SEMA6D: variants seen among roughly 807,000 people sequenced by gnomAD.
SEMA6D encodes the protein semaphorin 6D, also known as semaphorin-6D.
A neutral mutation model predicts 106.6 loss-of-function variants in SEMA6D; 35 were observed. That is an observed-to-expected ratio of 0.33 (90% CI 0.25 to 0.44). The LOEUF (loss-of-function observed/expected upper bound fraction) is 0.44. Ranked by LOEUF, SEMA6D falls within the 20% of genes least tolerant of loss-of-function variation. The probability of loss-of-function intolerance (pLI) is 1.00; values close to 1 mark genes in which losing one functional copy is unlikely to be tolerated. For missense variants in SEMA6D, 1,185 were observed against 1,345.9 expected, an observed-to-expected ratio of 0.88 and a Z score of 1.87; for synonymous variants, 499 against 487.7, an observed-to-expected ratio of 1.02 and a Z score of -0.31.
At chr15:47,305,712 A>C (rs2036205294) in intron 1 of SEMA6D, among the ~76,000 whole-genome samples, 1 of 152,190 alleles carries the variant, frequency 6.6e-6, no homozygotes, top group Admixed American at 6.5e-5. Flanking sequence ...TACAGTGAAA[A>C]ATCATTGCAT....
chr15:47,427,645 T>G (rs2041384071), intron 2 of SEMA6D, among the ~76,000 whole-genome samples: 1 of 152,166 alleles, frequency 6.6e-6, no homozygotes, highest in Non-Finnish European at 1.5e-5. Flanking sequence ...GGGATACCAT[T>G]TAAACTTGCT....
intron 1 of SEMA6D, among the ~76,000 whole-genome samples, chr15:47,746,910 C>T (rs2081161108): frequency 6.6e-6 from 1 of 151,248 alleles, no homozygotes; most frequent in East Asian, 1.9e-4. Flanking sequence ...CCTTGAAAAC[C>T]CTTCGGTTCC....
At chr15:47,228,163 C>CACATACACACATAT (rs374770930) in intron 1 of SEMA6D, among the ~76,000 whole-genome samples, 1 of 136,810 alleles carries the variant, frequency 7.3e-6, no homozygotes, top group Non-Finnish European at 1.5e-5. Context: ...CACACACACA[C>CACATACACACATAT]ATATATATAT....
intron 3 of SEMA6D, among the ~76,000 whole-genome samples, chr15:47,547,039 A>T (rs1266661298): frequency 1.3e-5 from 2 of 152,020 alleles, no homozygotes; most frequent in Non-Finnish European, 2.9e-5. Context: ...AAATACACAC[A>T]AACACACAGA....
chr15:47,271,104 C>A (rs900343993), intron 1 of SEMA6D, among the ~76,000 whole-genome samples: 1 of 152,118 alleles, frequency 6.6e-6, no homozygotes, highest in Non-Finnish European at 1.5e-5. Flanking sequence ...AATACACAAA[C>A]CGGAATTGTA....
rs1567016520 is a variant in SEMA6D, at chr15:47,348,710, CACACACACCACACACACAGAG to C, written c.-238-63681_-238-63661del. ...ACACACACACACACACACACACACA[CACACACACCACACACACAGAG>C]AGAGAGAGAGAGAGAGAGAGAGAGA... On this transcript the variant is annotated intron_variant, in intron 1 of 19. Coordinates refer to the SEMA6D transcript ENST00000558014. Among the ~76,000 whole-genome samples the C allele has an allele frequency of 4.4e-4, 42 of 94,926 alleles. 2 individuals are homozygous for C. In the South Asian group the frequency reaches 0.013, roughly 29 times the overall value. The allele number at this position is 94,926 out of a possible 152,430, so 62.3% of individuals were successfully genotyped here. A position where few individuals can be genotyped will look rare whatever the true frequency, so the allele number is the denominator to read the frequency against.
intron 4 of SEMA6D, among the ~76,000 whole-genome samples, chr15:47,684,935 A>G (rs528646936): frequency 2.6e-4 from 40 of 152,310 alleles, no homozygotes; most frequent in African/African-American, 9.6e-4. Flanking sequence ...GGGGAAACTT[A>G]CCGTGGAAAC....
intron 1 of SEMA6D, among the ~76,000 whole-genome samples, chr15:47,732,556 G>C (rs1039379873): frequency 6.6e-6 from 1 of 152,208 alleles, no homozygotes; most frequent in Non-Finnish European, 1.5e-5. Flanking sequence ...ACCCAAATGG[G>C]AGAGATTGGC....
intron 3 of SEMA6D, among the ~76,000 whole-genome samples, chr15:47,479,272 C>T (rs891798858): frequency 2.0e-5 from 3 of 152,110 alleles, no homozygotes; most frequent in Non-Finnish European, 4.4e-5. Context: ...CTGCCTTGCT[C>T]GGTTTGAAGC....
chr15:47,751,669 G>A (rs1490123776), intron 1 of SEMA6D, among the ~76,000 whole-genome samples: 1 of 152,152 alleles, frequency 6.6e-6, no homozygotes, highest in Non-Finnish European at 1.5e-5. Context: ...TGTTTGTTTA[G>A]TGGTACTAAA....
chr15:47,722,967 A>T (rs1286729985), intron 1 of SEMA6D, among the ~76,000 whole-genome samples: 1 of 152,142 alleles, frequency 6.6e-6, no homozygotes, highest in African/African-American at 2.4e-5. Context: ...GAGGTTACAT[A>T]ATGGAAAGGT....
At chr15:47,289,373 G>A in intron 1 of SEMA6D, among the ~76,000 whole-genome samples, 1 of 112,068 alleles carries the variant, frequency 8.9e-6, no homozygotes, top group African/African-American at 3.5e-5. Context: ...CAGCCTGGGT[G>A]ACAGAGCAAA....
chr15:47,458,873 A>C (rs2042419447), intron 2 of SEMA6D, among the ~76,000 whole-genome samples: 1 of 151,996 alleles, frequency 6.6e-6, no homozygotes, highest in African/African-American at 2.4e-5. Flanking sequence ...AACCAAAAAT[A>C]AATAAATAAA....
chr15:47,396,058 C>A (rs1209575007), intron 1 of SEMA6D, among the ~76,000 whole-genome samples: 2 of 152,072 alleles, frequency 1.3e-5, no homozygotes, highest in East Asian at 3.9e-4. Flanking sequence ...AACACCAGAG[C>A]TTTTTTTGTC....
intron 4 of SEMA6D, among the ~76,000 whole-genome samples, chr15:47,700,908 A>C (rs1484322514): frequency 1.3e-5 from 2 of 152,158 alleles, no homozygotes; most frequent in Non-Finnish European, 2.9e-5. Flanking sequence ...CTGGATACAC[A>C]CTTGGAAAAA....
chr15:47,384,589 T>C lies in SEMA6D; in HGVS notation c.-238-27804T>C, dbSNP rs189612748. Among the ~76,000 whole-genome samples the C allele has an allele frequency of 3.1e-4, 47 of 152,284 alleles. No individual in the cohort carries two copies. In the East Asian group the frequency reaches 6.0e-3, roughly 19 times the overall value. ...TGCAAAGGACTAATCAGCTACCAAC[T>C]GTGGCATATGAGGATGTCTGAGTGG... On this transcript the variant is annotated intron_variant, in intron 1 of 19. Transcript: ENST00000558014.
At chr15:47,378,502 A>G (rs2039526332) in intron 1 of SEMA6D, among the ~76,000 whole-genome samples, 1 of 152,212 alleles carries the variant, frequency 6.6e-6, no homozygotes, top group Non-Finnish European at 1.5e-5. Context: ...TCTCAAAAAT[A>G]AAATAGAATA....
At chr15:47,529,606 A>AAAG (rs1022126210) in intron 3 of SEMA6D, among the ~76,000 whole-genome samples, 7 of 150,940 alleles carry the variant, frequency 4.6e-5, no homozygotes, top group Non-Finnish European at 1.0e-4. Context: ...GTAGCACTAA[A>AAAG]AAAAAAAAAA....
At chr15:47,564,175 T>A (rs2046161558) in intron 3 of SEMA6D, among the ~76,000 whole-genome samples, 1 of 152,208 alleles carries the variant, frequency 6.6e-6, no homozygotes, top group African/African-American at 2.4e-5. Context: ...TGCAAGCTCC[T>A]CTGAAAGATA....
Sources: allele counts gnomAD v4.1 joint callset (sites outside exome capture counted in the v4.1 genomes callset), GRCh38; gene constraint gnomAD v4.1.1; transcripts MANE v1.5; gene names NCBI Gene and HGNC (gene_info 2026-07-23, HGNC 2026-07-21).